WDR7: variants seen among roughly 807,000 people sequenced by gnomAD.
The protein encoded by WDR7 is WD repeat-containing protein 7.
WDR7 carries 46 observed loss-of-function variants against 169.4 expected under a neutral mutation model. The ratio of observed to expected loss-of-function variants is 0.27; its 90% CI spans 0.21 to 0.35. The LOEUF (loss-of-function observed/expected upper bound fraction) is 0.35. WDR7 is among the 10% of genes least tolerant of loss of function. WDR7 has a pLI of 1.00. For synonymous variants in WDR7, 612 were observed against 666.8 expected, an observed-to-expected ratio of 0.92 and a Z score of 1.27; for missense variants, 1,534 against 1,859.3, an observed-to-expected ratio of 0.83 and a Z score of 3.22.
At chr18:56,938,175 T>G (rs551587834) in intron 23 of WDR7, among the ~76,000 whole-genome samples, 26 of 152,302 alleles carry the variant, frequency 1.7e-4, no homozygotes, top group Admixed American at 6.5e-4. Flanking sequence ...AGCTGCACTA[T>G]CATTACTTGA....
chr18:56,722,733 G>T (rs926208203), intron 13 of WDR7, among the ~76,000 whole-genome samples: 2 of 152,074 alleles, frequency 1.3e-5, no homozygotes, highest in African/African-American at 4.8e-5. Context: ...AGATATGACT[G>T]TGCTTACTAC....
chr18:57,008,033 T>A (rs2048089341), intron 26 of WDR7, among the ~76,000 whole-genome samples: 1 of 152,108 alleles, frequency 6.6e-6, no homozygotes, highest in South Asian at 2.1e-4. Flanking sequence ...TTTTCCTCAC[T>A]CTCTAACATA....
intron 26 of WDR7, among the ~76,000 whole-genome samples, chr18:56,966,184 G>A (rs981458125): frequency 6.6e-6 from 1 of 152,060 alleles, no homozygotes; most frequent in African/African-American, 2.4e-5. Context: ...AGCAGGGTGG[G>A]GTCAGTGCAT....
chr18:56,782,179 G>A (rs60242762), intron 19 of WDR7: 5,846 of 152,230 alleles, frequency 0.038, 378 homozygotes, highest in African/African-American at 0.13. Context: ...TAGAAAAATT[G>A]TTGAAATTTT....
chr18:56,695,917 A>G (rs760500528), intron 11 of WDR7, among the ~76,000 whole-genome samples: 1 of 152,254 alleles, frequency 6.6e-6, no homozygotes, highest in Non-Finnish European at 1.5e-5. Context: ...AACCCAATAT[A>G]GCAAAAACTA....
chr18:56,959,581 T>C (rs2047308332), intron 25 of WDR7, among the ~76,000 whole-genome samples: 1 of 152,088 alleles, frequency 6.6e-6, no homozygotes, highest in African/African-American at 2.4e-5. Flanking sequence ...TGACATGTTA[T>C]CAACACAGTG....
intron 26 of WDR7, among the ~76,000 whole-genome samples, chr18:56,991,232 C>T (rs137988890): frequency 0.037 from 5,466 of 148,524 alleles, 114 homozygotes; most frequent in Non-Finnish European, 0.05. Flanking sequence ...CCGCAAGCTC[C>T]GCCTCCTGGG....
intron 20 of WDR7, among the ~76,000 whole-genome samples, chr18:56,864,964 C>T (rs149578522): frequency 6.6e-6 from 1 of 151,892 alleles, no homozygotes. Flanking sequence ...TGAGGTTATG[C>T]CATGTTATCC....
At chr18:56,916,752 G>C (rs2046633229) in intron 21 of WDR7, among the ~76,000 whole-genome samples, 1 of 152,100 alleles carries the variant, frequency 6.6e-6, no homozygotes, top group South Asian at 2.1e-4. Context: ...TACTGTTTGT[G>C]TGTATGTGTG....
intron 21 of WDR7, among the ~76,000 whole-genome samples, chr18:56,893,714 C>A (rs1296292242): frequency 6.6e-6 from 1 of 152,008 alleles, no homozygotes; most frequent in East Asian, 1.9e-4. Flanking sequence ...TTCCTTATAC[C>A]TTTGGTTTTT....
At chr18:56,913,179 T>A (rs2046576530) in intron 21 of WDR7, among the ~76,000 whole-genome samples, 1 of 152,120 alleles carries the variant, frequency 6.6e-6, no homozygotes, top group Non-Finnish European at 1.5e-5. Context: ...CAACCTAATT[T>A]TAATTCTAGT....
intron 26 of WDR7, among the ~76,000 whole-genome samples, chr18:56,974,343 C>CCTTTCT (rs2047534329): frequency 6.7e-6 from 1 of 149,474 alleles, no homozygotes; most frequent in Non-Finnish European, 1.5e-5. Flanking sequence ...TTTTCCTTTT[C>CCTTTCT]CTTTCTTTGC....
intron 21 of WDR7, among the ~76,000 whole-genome samples, chr18:56,886,911 CAACAGGA>C (rs2046204559): frequency 6.6e-6 from 1 of 152,042 alleles, no homozygotes; most frequent in Non-Finnish European, 1.5e-5. Context: ...AGGACTTGCC[CAACAGGA>C]AAATATCACA....
Position 56,701,436 on chromosome 18 carries a change from TA to T in WDR7, c.1578+4979del, listed in dbSNP as rs1598972882. ...GCTTGAAATAAAGCTGTTCACAGTA[TA>T]AAAATTATATGACAGATATAAAGTC... is the stretch of plus-strand genomic sequence containing the variant. On this transcript the variant is annotated intron_variant, in intron 12 of 27. Transcript: ENST00000254442. 2.6e-5 allele frequency among the ~76,000 whole-genome samples: 4 copies of T among 152,356 alleles called. No individual in the cohort carries two copies. In the East Asian group the frequency reaches 7.7e-4, roughly 29 times the overall value.
At chr18:56,837,258 A>G (rs537305343) in intron 20 of WDR7, among the ~76,000 whole-genome samples, 1 of 152,376 alleles carries the variant, frequency 6.6e-6, no homozygotes, top group East Asian at 1.9e-4. Flanking sequence ...AAGAGATCTC[A>G]AAATTAGTCA....
At chr18:56,723,550 T>C (rs2026370883) in intron 13 of WDR7, among the ~76,000 whole-genome samples, 1 of 152,176 alleles carries the variant, frequency 6.6e-6, no homozygotes, top group Non-Finnish European at 1.5e-5. Flanking sequence ...CTGGGTTGCA[T>C]TATTTTCAGC....
At chr18:56,765,846 A>G (rs933938457) in intron 16 of WDR7, among the ~76,000 whole-genome samples, 1 of 152,064 alleles carries the variant, frequency 6.6e-6, no homozygotes, top group Admixed American at 6.5e-5. Context: ...TCTGGGATCC[A>G]TGTGCTGAAC....
intron 25 of WDR7, among the ~76,000 whole-genome samples, chr18:56,945,956 T>G (rs886866476): frequency 6.6e-6 from 1 of 152,242 alleles, no homozygotes. Flanking sequence ...CCTGAAGATA[T>G]TCCTTCATCC....
intron 25 of WDR7, among the ~76,000 whole-genome samples, chr18:56,961,869 T>G (rs937338765): frequency 5.9e-5 from 9 of 152,120 alleles, no homozygotes; most frequent in Non-Finnish European, 1.2e-4. Flanking sequence ...CTTTTTCTGG[T>G]GGATAGTTTT....
Sources: allele counts gnomAD v4.1 joint callset (sites outside exome capture counted in the v4.1 genomes callset), GRCh38; gene constraint gnomAD v4.1.1; transcripts MANE v1.5; gene names NCBI Gene and HGNC (gene_info 2026-07-23, HGNC 2026-07-21).